FETUB: variants seen among roughly 807,000 people sequenced by gnomAD.
FETUB encodes the protein fetuin B.
In FETUB, 28 loss-of-function variants were observed where a neutral mutation model predicts 30.9. The ratio of observed to expected loss-of-function variants is 0.90; its 90% CI spans 0.67 to 1.24. The LOEUF is 1.24. Ranked by LOEUF, FETUB falls within the 50% of genes most tolerant of loss-of-function variation. The pLI, the probability that FETUB is intolerant of heterozygous loss-of-function variation, is 0.00. For missense variants in FETUB, 469 were observed against 455.3 expected, an observed-to-expected ratio of 1.03 and a Z score of -0.27; for synonymous variants, 186 against 175.9, an observed-to-expected ratio of 1.06 and a Z score of -0.45.
At position 186,652,643 on chromosome 3, in the gene FETUB, A is replaced by T; in HGVS notation, c.*12A>T. On this transcript the variant is annotated 3_prime_UTR_variant, in exon 7 of 7. Transcript: ENST00000265029. ...TCCTTCCGCCATGAGAATCACACAG[A>T]GTCTTCTGTAGGGGTATGGTGCGCC... The T allele has an allele frequency of 1.3e-6, 2 of 1,589,998 alleles. No homozygotes were observed. Among genetic ancestry groups the T allele is most frequent in the South Asian group, 2.3e-5 (2 of 87,232 alleles).
chr3:186,640,711 G>T, intron 1 of FETUB, 26 bp downstream of exon 1: 1 of 1,587,550 alleles, frequency 6.3e-7, no homozygotes, highest in Admixed American at 1.7e-5. Context: ...TCCCACTCTG[G>T]GGCAGGGATG....
At chr3:186,640,068 T>C (rs1483179861), upstream of FETUB, among the ~76,000 whole-genome samples, 1 of 151,934 alleles carries the variant, frequency 6.6e-6, no homozygotes, top group Admixed American at 6.6e-5. Flanking sequence ...ACTATTAGAG[T>C]GGCCAAGGAG....
Position 186,642,525 on chromosome 3 carries a change from T to C in FETUB, c.391T>C (p.Tyr131His), listed in dbSNP as rs375966035. 1.6e-5 allele frequency: 26 copies of C among 1,608,498 alleles called. No homozygotes were observed. Among genetic ancestry groups the C allele is most frequent in the Non-Finnish European group, 2.0e-5 (24 of 1,175,518 alleles). Residue 131 changes from tyrosine (Y) to histidine (H), a missense_variant, in exon 3 of 7, where the codon TAT becomes CAT. Coordinates refer to ENST00000265029, the MANE Select transcript of FETUB (RefSeq NM_014375.3). Reference protein sequence around the residue: ...FYMNNPSRVLYLAAYNCTLRP... With the variant: ...FYMNNPSRVLHLAAYNCTLRP... ...TATGAACAACCCAAGTAGAGTTCTC[T>C]ATTTAGCTGCTTATAACTGTACTCT...
intron 1 of FETUB, 80 bp from the exon 2 acceptor site, chr3:186,640,950 A>G: frequency 1.1e-6 from 1 of 898,528 alleles, no homozygotes; most frequent in South Asian, 1.5e-5. Context: ...CTTTGCCATA[A>G]AGCAGGGGTT....
chr3:186,647,385 T>G lies in FETUB; in HGVS notation c.696+1036T>G, dbSNP rs148233645. Among the ~76,000 whole-genome samples the G allele has an allele frequency of 1.7e-3, 264 of 152,250 alleles. 1 individual carries two copies. The highest frequency in any genetic ancestry group is 6.0e-3 in the African/African-American group (249 of 41,556). On this transcript the variant is annotated intron_variant, in intron 5 of 6. Transcript: ENST00000265029. ...TGTCATATGAAAAACAACAAAAAAA[T>G]GCTCCATGTTTAACCCTTTCACTGC...
Position 186,652,401 on chromosome 3 carries a change from C to A in FETUB, c.919C>A (p.Leu307Ile), listed in dbSNP as rs1397075352. Residue 307 changes from leucine to isoleucine, a missense_variant, in exon 7 of 7, where the codon CTT (leucine) becomes ATT (isoleucine). Physicochemically the swap from Leu to Ile is conservative, Grantham distance 5. Coordinates refer to ENST00000265029, the MANE Select transcript of FETUB (RefSeq NM_014375.3). ...TGGGCCAAGAGGATCTGTCCAATATCTTCCTGACTTGGATGATAAAAATTC... is the reference window on the plus strand; with the variant it reads ...TGGGCCAAGAGGATCTGTCCAATATATTCCTGACTTGGATGATAAAAATTC... ...KAGPRGSVQY[L>I]PDLDDKNSQE... is the part of the protein sequence containing the mutation. The A allele has an allele frequency of 6.2e-7, 1 of 1,614,012 alleles. No individual in the cohort carries two copies. Among genetic ancestry groups the A allele is most frequent in the African/African-American group, 1.3e-5 (1 of 75,038 alleles).
intron 3 of FETUB, 91 bp from the exon 4 acceptor site, chr3:186,644,660 T>G: frequency 1.1e-6 from 1 of 937,398 alleles, no homozygotes; most frequent in East Asian, 2.5e-5. Context: ...ATTCCAGAGG[T>G]AACTTCCTCA....
chr3:186,636,427 C>A (rs146561880), upstream of FETUB, among the ~76,000 whole-genome samples: 453 of 152,266 alleles, frequency 3.0e-3, 10 homozygotes, highest in Admixed American at 0.023. Context: ...TGATGAGTGG[C>A]GGAGCTGGGA....
At chr3:186,643,971 T>C (rs1319605474) in intron 3 of FETUB, among the ~76,000 whole-genome samples, 1 of 152,224 alleles carries the variant, frequency 6.6e-6, no homozygotes, top group Non-Finnish European at 1.5e-5. Context: ...ATTTTTCTTC[T>C]TAAAAAAATA....
At chr3:186,639,967 T>C (rs1560018319), upstream of FETUB, among the ~76,000 whole-genome samples, 1 of 151,954 alleles carries the variant, frequency 6.6e-6, no homozygotes, top group Non-Finnish European at 1.5e-5. Flanking sequence ...GACTGTGGGG[T>C]TCAACTACCT....
intron 6 of FETUB, 71 bp from the exon 7 acceptor site, chr3:186,652,192 G>A (rs909867448): frequency 2.7e-6 from 4 of 1,493,298 alleles, no homozygotes; most frequent in Non-Finnish European, 3.6e-6. Context: ...GCACAGATCA[G>A]CTTAGGCTGG....
At chr3:186,648,777 T>C (rs571406213) in intron 5 of FETUB, among the ~76,000 whole-genome samples, 145 of 152,352 alleles carry the variant, frequency 9.5e-4, no homozygotes, top group African/African-American at 3.2e-3. Context: ...TGAAACTGTC[T>C]TCTTAATTTC....
intron 6 of FETUB, 179 bp downstream of exon 6, chr3:186,651,480 A>G: frequency 1.7e-6 from 1 of 601,944 alleles, no homozygotes; most frequent in Non-Finnish European, 3.0e-6. Context: ...GCCTTGTTTC[A>G]GTCGCAATAT....
rs768462805 is a variant in FETUB at position 186,651,136 on chromosome 3, GTA to G, written c.697-80_697-79del. On this transcript the variant is annotated intron_variant, in intron 5 of 6. Coordinates refer to ENST00000265029, the MANE Select transcript of FETUB (RefSeq NM_014375.3). ...AAGCATAAAAATGTTGATTGGCTGT[GTA>G]TCTACACAAGTAGAAAGCTAGTTGA... 1,918 of 880,840 alleles carry G rather than the reference GTA, an allele frequency of 2.2e-3. 8 individuals carry two copies. Among genetic ancestry groups the G allele is most frequent in the Middle Eastern group, 3.7e-3 (17 of 4,634 alleles). The allele number at this position is 880,840 out of a possible 1,614,324, so 54.6% of individuals were successfully genotyped here.
rs747347383 is a variant in FETUB, at chr3:186,640,610, G to C, written c.150G>C (p.Arg50=). ...TGGCAGTTGCAGGCTTTGCCCTGCG[G>C]GATATTAACAAAGACAGAAAGGATG... ...DVLAVAGFAL[R]DINKDRKDGY... is the part of the protein sequence containing the mutation. Residue 50 remains arginine, a synonymous_variant, in exon 1 of 7, where the codon CGG becomes CGC. Coordinates refer to ENST00000265029, the MANE Select transcript of FETUB (RefSeq NM_014375.3). 1.2e-6 allele frequency: 2 copies of C among 1,614,146 alleles called. No homozygotes were observed. Among genetic ancestry groups the C allele is most frequent in the Middle Eastern group, 1.6e-4 (1 of 6,062 alleles).
intron 5 of FETUB, among the ~76,000 whole-genome samples, chr3:186,650,469 A>C (rs1717933984): frequency 6.6e-6 from 1 of 152,146 alleles, no homozygotes; most frequent in Non-Finnish European, 1.5e-5. Flanking sequence ...CTGTCCAACA[A>C]AAGAGAGCTT....
Position 186,641,129 on chromosome 3 carries a change from T to C in FETUB, c.325T>C (p.Phe109Leu), listed in dbSNP as rs759724113. Residue 109 changes from phenylalanine (F) to leucine (L), a missense_variant, in exon 2 of 7, where the codon TTT becomes CTT. Physicochemically the swap from Phe to Leu is conservative, Grantham distance 22. Transcript: ENST00000265029. ...KAWQDCGMRIFFESVYGQCKA... is the reference protein window; with the variant it reads ...KAWQDCGMRILFESVYGQCKA... ...ATGGCAAGACTGTGGAATGAGGATA[T>C]TTTTTGAATCAGTGAGTGCTTGTTT... 1.9e-6 allele frequency: 3 copies of C among 1,608,674 alleles called. No homozygotes were observed. The highest frequency in any genetic ancestry group is 2.6e-6 in the Non-Finnish European group (3 of 1,175,412).
At chr3:186,649,918 T>G (rs1717861785) in intron 5 of FETUB, among the ~76,000 whole-genome samples, 1 of 152,178 alleles carries the variant, frequency 6.6e-6, no homozygotes, top group South Asian at 2.1e-4. Context: ...CTGAGTCATT[T>G]CACTTAGAAT....
Position 186,647,377 on chromosome 3 carries a change from C to CA in FETUB, c.696+1035dup, listed in dbSNP as rs550880802. On this transcript the variant is annotated intron_variant, in intron 5 of 6. Coordinates refer to ENST00000265029, the MANE Select transcript of FETUB (RefSeq NM_014375.3). ...GGAGTTTTTGTCATATGAAAAACAACAAAAAAATGCTCCATGTTTAACCCT... is the reference window on the plus strand; with the variant it reads ...GGAGTTTTTGTCATATGAAAAACAACAAAAAAAATGCTCCATGTTTAACCCT... Among the ~76,000 whole-genome samples, 74 of 151,980 alleles carry CA rather than the reference C, an allele frequency of 4.9e-4. 1 individual carries two copies. The East Asian group carries it at 0.011, about 23-fold the overall frequency.
Sources: allele counts gnomAD v4.1 joint callset (sites outside exome capture counted in the v4.1 genomes callset), GRCh38; gene constraint gnomAD v4.1.1; transcripts MANE v1.5; gene names NCBI Gene and HGNC (gene_info 2026-07-23, HGNC 2026-07-21).